Variants in MAP7 observed in about 807,000 individuals in gnomAD.
MAP7 encodes the protein microtubule associated protein 7, also known as ensconsin.
In MAP7, 52 loss-of-function variants were observed where a neutral mutation model predicts 94.8. The observed-to-expected ratio is 0.55, with a 90% CI of 0.44 to 0.69. The LOEUF (loss-of-function observed/expected upper bound fraction) is 0.69, where lower values mean the gene tolerates loss of function less well. Ranked by LOEUF, MAP7 falls within the 30% of genes least tolerant of loss-of-function variation. MAP7 has a pLI of 0.00. For synonymous variants in MAP7, 350 were observed against 357.0 expected, an observed-to-expected ratio of 0.98 and a Z score of 0.22; for missense variants, 940 against 964.6, an observed-to-expected ratio of 0.97 and a Z score of 0.34.
intron 1 of MAP7, among the ~76,000 whole-genome samples, chr6:136,542,314 A>T (rs1002696938): frequency 6.6e-6 from 1 of 152,218 alleles, no homozygotes; most frequent in Non-Finnish European, 1.5e-5. Flanking sequence ...AAAAAGTATA[A>T]GCCTAAATAC....
chr6:136,535,912 A>G (rs945807268), intron 1 of MAP7, among the ~76,000 whole-genome samples: 6 of 151,446 alleles, frequency 4.0e-5, no homozygotes, highest in Non-Finnish European at 5.9e-5. Context: ...CCACCCCACG[A>G]CAGGCCCCAG....
At chr6:136,403,993 G>A (rs961788772) in intron 3 of MAP7, among the ~76,000 whole-genome samples, 2 of 152,150 alleles carry the variant, frequency 1.3e-5, no homozygotes, top group African/African-American at 2.4e-5. Context: ...CAGATATGCC[G>A]AAGTTTATCC....
At chr6:136,481,108 G>C (rs963350718) in intron 1 of MAP7, among the ~76,000 whole-genome samples, 1 of 152,246 alleles carries the variant, frequency 6.6e-6, no homozygotes, top group Middle Eastern at 3.4e-3. Flanking sequence ...TTATCCAAAA[G>C]TCAGGCAATA....
chr6:136,514,070 C>G (rs933947295), intron 1 of MAP7, among the ~76,000 whole-genome samples: 1 of 152,136 alleles, frequency 6.6e-6, no homozygotes, highest in African/African-American at 2.4e-5. Flanking sequence ...CACCAACCTC[C>G]CTCCATGCAT....
rs188233135 is a variant in MAP7 at position 136,515,045 on chromosome 6, A to G, written c.67+35297T>C. ...TGAAACTCTGTTGTTTAGTGAACTCACCTTCATCATTACCTTAGCAAGATC... is the reference window on the plus strand; with the variant it reads ...TGAAACTCTGTTGTTTAGTGAACTCGCCTTCATCATTACCTTAGCAAGATC... On this transcript the variant is annotated intron_variant, in intron 1 of 17. Transcript: ENST00000354570. 3.9e-5 allele frequency among the ~76,000 whole-genome samples: 6 copies of G among 152,268 alleles called. No homozygotes were observed. The East Asian group carries it at 1.2e-3, about 29-fold the overall frequency.
At chr6:136,526,089 A>G (rs972763365) in intron 1 of MAP7, 1 of 1,422,608 alleles carries the variant, frequency 7.0e-7, no homozygotes. Flanking sequence ...CTTGTAATAG[A>G]TCCCCTATGG....
intron 1 of MAP7, among the ~76,000 whole-genome samples, chr6:136,536,241 TG>T (rs1828879643): frequency 6.6e-6 from 1 of 152,222 alleles, no homozygotes; most frequent in Admixed American, 6.5e-5. Flanking sequence ...AAGGTTTTTT[TG>T]TTTTTTGTTT....
chr6:136,513,682 C>T (rs1389612005), intron 1 of MAP7, among the ~76,000 whole-genome samples: 1 of 152,088 alleles, frequency 6.6e-6, no homozygotes, highest in Non-Finnish European at 1.5e-5. Flanking sequence ...CTGAGAATGA[C>T]CCCGTATGGC....
chr6:136,508,332 A>C (rs899809890), intron 1 of MAP7, among the ~76,000 whole-genome samples: 1 of 152,180 alleles, frequency 6.6e-6, no homozygotes, highest in Non-Finnish European at 1.5e-5. Context: ...TCTCAAAAAA[A>C]AAAGAAAGAA....
At position 136,361,930 on chromosome 6, in the gene MAP7, A is replaced by G. The variant is rs77451303; in HGVS notation, c.1526+520T>C. 8.5e-3 allele frequency among the ~76,000 whole-genome samples: 1,289 copies of G among 152,298 alleles called. 60 individuals carry two copies. In the East Asian group the frequency reaches 0.13, roughly 16 times the overall value. On this transcript the variant is annotated intron_variant, in intron 11 of 17. Coordinates refer to ENST00000354570, the MANE Select transcript of MAP7 (RefSeq NM_003980.6). ...GGAGATGTGTTAAGTAAAAAAGCAG[A>G]CTGTACAATTGTACCTCTGCTGTGG...
chr6:136,413,463 G>A (rs1283109147), intron 2 of MAP7, among the ~76,000 whole-genome samples: 3 of 150,968 alleles, frequency 2.0e-5, no homozygotes, highest in South Asian at 2.1e-4. Context: ...TGGAGGTTGC[G>A]TTGAGCCAAG....
Position 136,389,569 on chromosome 6 carries a change from G to C in MAP7, c.245-52C>G, listed in dbSNP as rs749929857. The C allele has an allele frequency of 1.3e-5, 20 of 1,567,106 alleles. No homozygotes were observed. The South Asian group carries it at 2.2e-4, about 18-fold the overall frequency. On this transcript the variant is annotated intron_variant, in intron 3 of 17. Coordinates refer to ENST00000354570, the MANE Select transcript of MAP7 (RefSeq NM_003980.6). ...AAAGAGGGAAATCAAATATAGGCAG[G>C]TTGCAAACTTGAATAGTTAGGGCTG... is the stretch of plus-strand genomic sequence containing the variant.
rs564124175 is a variant in MAP7 at position 136,497,723 on chromosome 6, C to G, written c.67+52619G>C. 8.4e-4 allele frequency among the ~76,000 whole-genome samples: 119 copies of G among 141,940 alleles called. 1 individual carries two copies. The highest frequency in any genetic ancestry group is 3.1e-3 in the African/African-American group (117 of 37,984). The allele number at this position is 141,940 out of a possible 152,430, so 93.1% of individuals were successfully genotyped here. A position where few individuals can be genotyped will look rare whatever the true frequency, so the allele number is the denominator to read the frequency against. ...CTGAGGCAGGAGAATCGCTTGAACC[C>G]GGGAGGTGGATGCTGCAGTGAGCCG... On this transcript the variant is annotated intron_variant, in intron 1 of 17. Coordinates refer to ENST00000354570, the MANE Select transcript of MAP7 (RefSeq NM_003980.6).
intron 1 of MAP7, among the ~76,000 whole-genome samples, chr6:136,454,786 C>G (rs1802361736): frequency 6.6e-6 from 1 of 151,994 alleles, no homozygotes; most frequent in African/African-American, 2.4e-5. Flanking sequence ...GTACTCACAG[C>G]TACTTGGGAG....
intron 8 of MAP7, among the ~76,000 whole-genome samples, chr6:136,368,168 T>C (rs974287943): frequency 6.6e-6 from 1 of 152,102 alleles, no homozygotes; most frequent in Non-Finnish European, 1.5e-5. Context: ...GGAAAAACAC[T>C]CGATACTTAA....
intron 1 of MAP7, among the ~76,000 whole-genome samples, chr6:136,430,113 G>C (rs930860776): frequency 6.6e-6 from 1 of 152,200 alleles, no homozygotes; most frequent in Non-Finnish European, 1.5e-5. Flanking sequence ...GCTGGAAACG[G>C]AGTTTATCAA....
chr6:136,473,692 C>T (rs992288661), intron 1 of MAP7, among the ~76,000 whole-genome samples: 8 of 152,130 alleles, frequency 5.3e-5, no homozygotes, highest in South Asian at 2.1e-4. Flanking sequence ...TAGAGTTGTA[C>T]AAACTTTATC....
rs1803062275 is a variant in MAP7, at chr6:136,456,767, G to GAAGAAGAAGAAGAAGAA, written c.68-34969_68-34968insTTCTTCTTCTTCTTCTT. ...AGAAGGAGGAGGAGGAGGAGGAGGAGGAAGAAGAAGAAGAAGAAGAAGAAG... is the reference window on the plus strand; with the variant it reads ...AGAAGGAGGAGGAGGAGGAGGAGGAGAAGAAGAAGAAGAAGAAGAAGAAGAAGAAGAAGAAGAAGAAG... On this transcript the variant is annotated intron_variant, in intron 1 of 17. Coordinates refer to ENST00000354570, the MANE Select transcript of MAP7 (RefSeq NM_003980.6). Among the ~76,000 whole-genome samples, 47 of 60,590 alleles carry GAAGAAGAAGAAGAAGAA rather than the reference G, an allele frequency of 7.8e-4. 2 individuals are homozygous for GAAGAAGAAGAAGAAGAA. The highest frequency in any genetic ancestry group is 2.6e-3 in the African/African-American group (36 of 13,758). The allele number at this position is 60,590 out of a possible 152,430, so 39.7% of individuals were successfully genotyped here. A position where few individuals can be genotyped will look rare whatever the true frequency, so the allele number is the denominator to read the frequency against.
chr6:136,478,979 C>CAAAAAAAAA (rs59319740), intron 1 of MAP7, among the ~76,000 whole-genome samples: 10 of 45,444 alleles, frequency 2.2e-4, no homozygotes, highest in East Asian at 1.0e-3. Context: ...ACAGACACAT[C>CAAAAAAAAA]AAAAAAAAAA....
Sources: gnomAD v4.1 joint callset for allele counts (sites outside exome capture counted in the v4.1 genomes callset) on GRCh38, gnomAD v4.1.1 for gene constraint, MANE v1.5 for transcripts, NCBI Gene and HGNC (gene_info 2026-07-23, HGNC 2026-07-21) for gene names.